Variants in CPD observed in about 807,000 individuals in gnomAD.
The protein encoded by CPD is carboxypeptidase D, also known as metallocarboxypeptidase D.
Under a neutral mutation model 138.3 loss-of-function variants are expected in CPD, and 69 were observed. That is an observed-to-expected ratio of 0.50 (90% CI 0.41 to 0.61). CPD has a LOEUF of 0.61. Among genes scored for constraint, CPD ranks in the 20% least tolerant of loss-of-function variants. The pLI, the probability that CPD is intolerant of heterozygous loss-of-function variation, is 0.00. For synonymous variants in CPD, 651 were observed against 642.1 expected (o/e 1.01, Z -0.21); for missense variants, 1,432 against 1,733.3 (o/e 0.83, Z 3.09).
chr17:30,415,705 T>G (rs1429903918), intron 2 of CPD, among the ~76,000 whole-genome samples: 4 of 152,174 alleles, frequency 2.6e-5, no homozygotes, highest in Non-Finnish European at 4.4e-5. Flanking sequence ...CATTGCAGCA[T>G]TATTCACAAT....
At chr17:30,384,917 T>G in intron 1 of CPD, 72 bp from the exon 2 acceptor site, 2 of 1,520,158 alleles carry the variant, frequency 1.3e-6, no homozygotes, top group Non-Finnish European at 1.8e-6. Context: ...TAAAAGATTT[T>G]GTGGAATTTT....
intron 2 of CPD, among the ~76,000 whole-genome samples, chr17:30,419,520 T>C (rs1427303503): frequency 6.6e-6 from 1 of 152,134 alleles, no homozygotes; most frequent in Non-Finnish European, 1.5e-5. Context: ...TTTGTATTTT[T>C]AGTAGAGACA....
intron 2 of CPD, among the ~76,000 whole-genome samples, chr17:30,404,086 G>A (rs781451603): frequency 2.0e-4 from 31 of 152,200 alleles, no homozygotes; most frequent in Admixed American, 3.9e-4. Context: ...TTAGATTAAT[G>A]GTAACCCAGG....
At chr17:30,391,565 A>G (rs192902934) in intron 2 of CPD, among the ~76,000 whole-genome samples, 20 of 152,362 alleles carry the variant, frequency 1.3e-4, no homozygotes, top group Non-Finnish European at 2.2e-4. Context: ...TCTTGCAGAT[A>G]GAAGAACAGT....
Position 30,455,418 on chromosome 17 carries a change from A to T in CPD, c.3285A>T (p.Leu1095Phe), listed in dbSNP as rs1022109561. The T allele has an allele frequency of 1.9e-6, 3 of 1,613,818 alleles. No individual in the cohort carries two copies. The Admixed American group carries it at 5.0e-5, about 27-fold the overall frequency. ...AGGACTTTAGTCTTTCTGTTGCCTT[A>T]GATGGTGGTTCCATGCTGGTCACAT... is the stretch of plus-strand genomic sequence containing the variant. ...QKQDFSLSVA[L>F]DGGSMLVTYP... The change falls in exon 15 of 21, where the codon TTA becomes TTT. Residue 1095 changes from leucine to phenylalanine, a missense_variant. Transcript: ENST00000225719.
chr17:30,410,895 T>A (rs1911948260), intron 2 of CPD, among the ~76,000 whole-genome samples: 1 of 152,240 alleles, frequency 6.6e-6, no homozygotes. Context: ...TTTGATCCTG[T>A]CATTATGATG....
chr17:30,451,934 A>G, intron 14 of CPD, 88 bp downstream of exon 14: 1 of 1,249,298 alleles, frequency 8.0e-7, no homozygotes, highest in Non-Finnish European at 1.1e-6. Flanking sequence ...GTCAGTGAAT[A>G]ATGGAGTACT....
chr17:30,431,843 G>A lies in CPD; in HGVS notation c.2089G>A (p.Asp697Asn). ...GLATYSKSPD[D>N]AVFQQIALSY... ...TGCCACATATAGTAAATCACCAGAT[G>A]ATGCTGTGTTCCAACAAATAGCACT... Residue 697 changes from aspartate (D) to asparagine (N), a missense_variant, in exon 8 of 21, where the codon GAT becomes AAT. Asp to Asn is a conservative substitution (Grantham distance 23, BLOSUM62 1). Around this residue, in one of 6 missense-constraint regions of CPD, gnomAD observed 297 missense variants for 405.3 expected, o/e 0.73. Transcript: ENST00000225719. The A allele has an allele frequency of 6.2e-7, 1 of 1,612,598 alleles. No individual in the cohort carries two copies. The highest frequency in any genetic ancestry group is 1.3e-5 in the African/African-American group (1 of 75,006).
At chr17:30,411,735 GTTTA>G (rs1911973963) in intron 2 of CPD, among the ~76,000 whole-genome samples, 1 of 152,164 alleles carries the variant, frequency 6.6e-6, no homozygotes, top group African/African-American at 2.4e-5. Context: ...TCTCTACACT[GTTTA>G]TTCTAGTTAG....
At chr17:30,406,094 T>TA (rs914616593) in intron 2 of CPD, among the ~76,000 whole-genome samples, 1 of 152,088 alleles carries the variant, frequency 6.6e-6, no homozygotes, top group Non-Finnish European at 1.5e-5. Context: ...TATTGATTTT[T>TA]ATATTGTTTT....
rs538272933 is a variant in CPD, at chr17:30,379,596, AGCGGCCGCGACAATAGTC to A, written c.628_645del (p.Asn210_Asp215del). The A allele has an allele frequency of 8.8e-4, 1,302 of 1,481,808 alleles. 11 individuals carry two copies. The highest frequency in any genetic ancestry group is 2.6e-3 in the Admixed American group (89 of 34,832). 91.8% of individuals were successfully genotyped at this position (1,481,808 alleles called of 1,614,324 possible). ...CGGCGACGGCGGCCCGTCCGGGGCC[AGCGGCCGCGACAATAGTC>A]GCGGCCGCGACCTCAACCGAAGCTT... On this transcript the variant is annotated inframe_deletion, in exon 1 of 21. Coordinates refer to ENST00000225719, the MANE Select transcript of CPD (RefSeq NM_001304.5). This position sits in a 1 kb window ranked among gnomAD's most constrained non-coding sequence, Gnocchi z 7.0.
At chr17:30,458,674 C>T (rs1209799466) in intron 17 of CPD, among the ~76,000 whole-genome samples, 1 of 152,088 alleles carries the variant, frequency 6.6e-6, no homozygotes, top group Non-Finnish European at 1.5e-5. Context: ...CAAGACCAGC[C>T]TGGCCAACAT....
chr17:30,422,354 C>T (rs1912286561), intron 4 of CPD, among the ~76,000 whole-genome samples: 1 of 152,176 alleles, frequency 6.6e-6, no homozygotes, highest in Non-Finnish European at 1.5e-5. Context: ...TTTATCCCTT[C>T]TTTGAGTACT....
intron 2 of CPD, among the ~76,000 whole-genome samples, chr17:30,412,619 G>T (rs895379189): frequency 6.6e-6 from 1 of 152,156 alleles, no homozygotes; most frequent in African/African-American, 2.4e-5. Flanking sequence ...CTGCAGCCTC[G>T]CAGGTTGATC....
rs536044148 is a variant in CPD, at chr17:30,401,616, C to T, written c.994+16380C>T. Among the ~76,000 whole-genome samples, 4 of 151,986 alleles carry T rather than the reference C, an allele frequency of 2.6e-5. No homozygotes were observed. The South Asian group carries it at 6.2e-4, about 24-fold the overall frequency. ...TTCTTGCCTCAGCCTCCTAAGCAGCCGGGACTACAGGCACGTGTCACAACA... is the reference window on the plus strand; with the variant it reads ...TTCTTGCCTCAGCCTCCTAAGCAGCTGGGACTACAGGCACGTGTCACAACA... On this transcript the variant is annotated intron_variant, in intron 2 of 20. Coordinates refer to ENST00000225719, the MANE Select transcript of CPD (RefSeq NM_001304.5).
At position 30,464,575 on chromosome 17, in the gene CPD, T is replaced by G; in HGVS notation, c.3917-13T>G. The G allele has an allele frequency of 6.2e-7, 1 of 1,610,278 alleles. No homozygotes were observed. On this transcript the variant is annotated splice_polypyrimidine_tract_variant and intron_variant, in intron 20 of 20. Coordinates refer to ENST00000225719, the MANE Select transcript of CPD (RefSeq NM_001304.5). Reference sequence around the variant, plus strand: ...AGTATAATATCACCCACATGATGGTTTTTGTTTGTCAGGTGCTACTATGTC... The same window carrying G: ...AGTATAATATCACCCACATGATGGTGTTTGTTTGTCAGGTGCTACTATGTC...
intron 2 of CPD, among the ~76,000 whole-genome samples, chr17:30,395,110 T>C (rs1199233367): frequency 1.3e-5 from 2 of 151,580 alleles, no homozygotes; most frequent in Non-Finnish European, 2.9e-5. Flanking sequence ...ATTTTGAAAA[T>C]TGAATTAATA....
intron 15 of CPD, 30 bp from the exon 16 acceptor site, chr17:30,456,226 C>A: frequency 6.5e-7 from 1 of 1,547,324 alleles, no homozygotes; most frequent in South Asian, 1.2e-5. Flanking sequence ...TTGGATTTCT[C>A]CACTGACTTC....
intron 8 of CPD, 58 bp downstream of exon 8, chr17:30,431,939 G>A (rs1263219909): frequency 8.3e-7 from 1 of 1,200,704 alleles, no homozygotes; most frequent in Non-Finnish European, 1.2e-6. Context: ...TTAAAAATAT[G>A]CTTTAAAGTC....
Sources: allele counts gnomAD v4.1 joint callset (sites outside exome capture counted in the v4.1 genomes callset), GRCh38; gene constraint gnomAD v4.1.1; regional missense constraint gnomAD v4.1.1; non-coding constraint Gnocchi (gnomAD v3.1); transcripts MANE v1.5; gene names NCBI Gene and HGNC (gene_info 2026-07-23, HGNC 2026-07-21).